Variants in ZDHHC17 observed in about 807,000 individuals in gnomAD.
ZDHHC17 encodes the protein palmitoyltransferase ZDHHC17.
ZDHHC17 carries 40 observed loss-of-function variants against 90.3 expected under a neutral mutation model. The observed-to-expected ratio is 0.44, with a 90% confidence interval of 0.34 to 0.58. The LOEUF is 0.58. ZDHHC17 is among the 20% of genes least tolerant of loss of function. The pLI, the probability that ZDHHC17 is intolerant of heterozygous loss-of-function variation, is 0.01. For synonymous variants in ZDHHC17, 235 were observed against 252.4 expected, an observed-to-expected ratio of 0.93 and a Z score of 0.65; for missense variants, 614 against 780.8, an observed-to-expected ratio of 0.79 and a Z score of 2.55.
intron 2 of ZDHHC17, among the ~76,000 whole-genome samples, chr12:76,800,275 G>A (rs1414189459): frequency 2.0e-5 from 3 of 152,170 alleles, no homozygotes; most frequent in Admixed American, 1.3e-4. Flanking sequence ...CTTAGGAATT[G>A]TTAATTATTT....
At chr12:76,829,451 G>A (rs1332410728) in intron 10 of ZDHHC17, among the ~76,000 whole-genome samples, 3 of 77,362 alleles carry the variant, frequency 3.9e-5, no homozygotes, top group Admixed American at 2.3e-4. Flanking sequence ...GTGAGACTAT[G>A]TCTCAAAAAA....
intron 1 of ZDHHC17, among the ~76,000 whole-genome samples, chr12:76,765,705 C>T (rs1952422393): frequency 6.6e-6 from 1 of 152,078 alleles, no homozygotes; most frequent in Non-Finnish European, 1.5e-5. Flanking sequence ...AGTGTTTATC[C>T]AGTTTATTTT....
Position 76,822,458 on chromosome 12 carries a change from A to T in ZDHHC17, c.824A>T (p.Asn275Ile). 1.2e-6 allele frequency: 2 copies of T among 1,613,846 alleles called. No homozygotes were observed. The highest frequency in any genetic ancestry group is 1.7e-6 in the Non-Finnish European group (2 of 1,179,840). Residue 275 changes from asparagine to isoleucine, a missense_variant, in exon 8 of 17, where the codon AAC becomes ATC. By Grantham distance (149) the Asn-to-Ile change is moderately radical. Around this residue, in one of 5 missense-constraint regions of ZDHHC17, gnomAD observed 358 missense variants for 380.4 expected, o/e 0.94. Coordinates refer to ENST00000426126, the MANE Select transcript of ZDHHC17 (RefSeq NM_015336.4). ...AKQRKNVWMI[N>I]HLQEARQAKG... is the part of the protein sequence containing the mutation. ...CAGAGAAAAAATGTGTGGATGATCA[A>T]CCACTTACAAGAGGCAAGGCAAGCA... is the stretch of plus-strand genomic sequence containing the variant.
intron 10 of ZDHHC17, among the ~76,000 whole-genome samples, chr12:76,832,025 A>G (rs1187441358): frequency 6.6e-6 from 1 of 152,212 alleles, no homozygotes; most frequent in Non-Finnish European, 1.5e-5. Flanking sequence ...TTAAATCCCA[A>G]TTATGCGAGG....
intron 1 of ZDHHC17, among the ~76,000 whole-genome samples, chr12:76,790,185 CAT>C (rs942233529): frequency 2.4e-4 from 37 of 152,052 alleles, no homozygotes; most frequent in Non-Finnish European, 2.6e-4. Flanking sequence ...AGGAGAGAAA[CAT>C]ATGCATATAG....
intron 2 of ZDHHC17, among the ~76,000 whole-genome samples, chr12:76,797,898 T>G (rs1430619283): frequency 6.6e-6 from 1 of 151,400 alleles, no homozygotes; most frequent in Admixed American, 6.6e-5. Flanking sequence ...GAGCCGAGAT[T>G]GCGCCACTGT....
chr12:76,772,681 C>T (rs888453688), intron 1 of ZDHHC17, among the ~76,000 whole-genome samples: 3 of 150,924 alleles, frequency 2.0e-5, no homozygotes, highest in Middle Eastern at 3.2e-3. Flanking sequence ...ATTACAAGCA[C>T]GTGCCACCAT....
intron 5 of ZDHHC17, among the ~76,000 whole-genome samples, chr12:76,814,197 G>A (rs1953057668): frequency 6.6e-6 from 1 of 151,872 alleles, no homozygotes; most frequent in Admixed American, 6.6e-5. Context: ...AAAGTCTTGC[G>A]CAAGGAGAAT....
At chr12:76,825,820 G>T (rs961038419) in intron 8 of ZDHHC17, among the ~76,000 whole-genome samples, 2 of 152,088 alleles carry the variant, frequency 1.3e-5, no homozygotes, top group African/African-American at 4.8e-5. Context: ...TTAGACCACA[G>T]CTGGGGTTTT....
intron 3 of ZDHHC17, among the ~76,000 whole-genome samples, chr12:76,808,500 A>G (rs1409073048): frequency 1.3e-5 from 2 of 152,140 alleles, no homozygotes; most frequent in Admixed American, 1.3e-4. Flanking sequence ...AAAAGATATT[A>G]TGATGTTAAT....
At chr12:76,764,545 T>G (rs895974122) in intron 1 of ZDHHC17, 2 of 583,030 alleles carry the variant, frequency 3.4e-6, no homozygotes, top group Non-Finnish European at 6.1e-6. Flanking sequence ...TGGGACGCAG[T>G]CCCTGGCTGT....
At chr12:76,846,138 G>T (rs894603743) in intron 13 of ZDHHC17, among the ~76,000 whole-genome samples, 2 of 152,084 alleles carry the variant, frequency 1.3e-5, no homozygotes, top group Non-Finnish European at 2.9e-5. Context: ...GATAAGAACA[G>T]TACACACATT....
intron 1 of ZDHHC17, among the ~76,000 whole-genome samples, chr12:76,784,784 TG>T (rs1377933650): frequency 6.6e-6 from 1 of 152,242 alleles, no homozygotes; most frequent in African/African-American, 2.4e-5. Flanking sequence ...GAGATGAACA[TG>T]TCTTTACTAG....
At chr12:76,807,209 G>A (rs756893952) in intron 3 of ZDHHC17, among the ~76,000 whole-genome samples, 109 of 152,224 alleles carry the variant, frequency 7.2e-4, no homozygotes, top group Non-Finnish European at 9.1e-4. Context: ...GAAAGCGTTC[G>A]AGCACTGTCA....
At chr12:76,779,112 CG>C (rs1332721926) in intron 1 of ZDHHC17, among the ~76,000 whole-genome samples, 8 of 152,112 alleles carry the variant, frequency 5.3e-5, no homozygotes, top group Non-Finnish European at 1.0e-4. Context: ...ATATGAGTTT[CG>C]GGGGTATACA....
At chr12:76,791,509 G>T (rs180979135) in intron 1 of ZDHHC17, among the ~76,000 whole-genome samples, 2,340 of 152,134 alleles carry the variant, frequency 0.015, 29 homozygotes, top group Non-Finnish European at 0.024. Flanking sequence ...TTTGTTTTAA[G>T]AAGGTTCGTT....
At chr12:76,841,494 AC>A (rs1592498041) in intron 10 of ZDHHC17, among the ~76,000 whole-genome samples, 1 of 152,170 alleles carries the variant, frequency 6.6e-6, no homozygotes, top group African/African-American at 2.4e-5. Context: ...AAAAATGTGA[AC>A]ATATAAACTA....
chr12:76,784,040 C>G (rs1952658492), intron 1 of ZDHHC17, among the ~76,000 whole-genome samples: 1 of 152,228 alleles, frequency 6.6e-6, no homozygotes, highest in Admixed American at 6.5e-5. Context: ...ACCTCTAGAA[C>G]TATAAGATAA....
At chr12:76,774,098 G>T (rs1163186409) in intron 1 of ZDHHC17, among the ~76,000 whole-genome samples, 2 of 151,922 alleles carry the variant, frequency 1.3e-5, no homozygotes, top group East Asian at 3.9e-4. Context: ...AAAAATAAAA[G>T]AATTAGCTGG....
Sources: gnomAD v4.1 joint callset for allele counts (sites outside exome capture counted in the v4.1 genomes callset) on GRCh38, gnomAD v4.1.1 for gene constraint, gnomAD v4.1.1 regional missense constraint, MANE v1.5 for transcripts, NCBI Gene and HGNC (gene_info 2026-07-23, HGNC 2026-07-21) for gene names.